Variants in MYLK observed in about 807,000 individuals in gnomAD.
MYLK encodes the protein myosin light chain kinase, smooth muscle.
In MYLK, 106 loss-of-function variants were observed where a neutral mutation model predicts 203.4. That is an observed-to-expected ratio of 0.52 (90% CI 0.45 to 0.61). MYLK has a LOEUF of 0.61. Ranked by LOEUF, MYLK falls within the 20% of genes least tolerant of loss-of-function variation. The pLI is 0.00. For synonymous variants in MYLK, 867 were observed against 959.5 expected (o/e 0.90, Z 1.78); for missense variants, 2,072 against 2,442.3 (o/e 0.85, Z 3.20).
intron 5 of MYLK, among the ~76,000 whole-genome samples, chr3:123,747,161 C>T (rs889678869): frequency 3.9e-5 from 6 of 152,182 alleles, no homozygotes; most frequent in Non-Finnish European, 7.3e-5. Context: ...GCATTTCCTA[C>T]GAATTCAAGG....
At chr3:123,820,277 C>G (rs763626869) in intron 3 of MYLK, among the ~76,000 whole-genome samples, 2 of 152,154 alleles carry the variant, frequency 1.3e-5, no homozygotes, top group Admixed American at 1.3e-4. Context: ...GATCTAAGAA[C>G]ATGGTTGTAT....
chr3:123,705,316 G>T (rs1402181125), intron 16 of MYLK, among the ~76,000 whole-genome samples: 1 of 152,194 alleles, frequency 6.6e-6, no homozygotes, highest in African/African-American at 2.4e-5. Flanking sequence ...AGTGGCCTCC[G>T]AAAGGAATGA....
intron 2 of MYLK, among the ~76,000 whole-genome samples, chr3:123,843,818 A>G (rs538689596): frequency 6.0e-4 from 92 of 152,242 alleles, no homozygotes; most frequent in African/African-American, 2.0e-3. Context: ...TCCTTCTGAC[A>G]TGGTGTTTTC....
chr3:123,721,688 T>C (rs3907063), intron 13 of MYLK, among the ~76,000 whole-genome samples: 5,194 of 150,658 alleles, frequency 0.034, 276 homozygotes, highest in African/African-American at 0.12. Flanking sequence ...CCACTGACTG[T>C]TCAGGGAATA....
chr3:123,767,242 C>G (rs1388633136), intron 4 of MYLK, among the ~76,000 whole-genome samples: 1 of 152,216 alleles, frequency 6.6e-6, no homozygotes. Flanking sequence ...GGTCTCAGTA[C>G]AGACAACTGC....
At chr3:123,720,372 C>T (rs2062044083) in intron 13 of MYLK, among the ~76,000 whole-genome samples, 1 of 152,174 alleles carries the variant, frequency 6.6e-6, no homozygotes. Flanking sequence ...CAAGCCAGGA[C>T]AGACATTGGA....
At chr3:123,853,668 C>G (rs962142089) in intron 2 of MYLK, among the ~76,000 whole-genome samples, 6 of 152,270 alleles carry the variant, frequency 3.9e-5, no homozygotes, top group East Asian at 1.9e-4. Context: ...CAAGGAGCTA[C>G]AGCTGAGGAC....
intron 19 of MYLK, among the ~76,000 whole-genome samples, chr3:123,685,993 G>C (rs542871545): frequency 6.6e-6 from 1 of 152,202 alleles, no homozygotes; most frequent in Non-Finnish European, 1.5e-5. Context: ...CATGCACCAC[G>C]GGGCCCTGCC....
chr3:123,831,993 G>A (rs746731881), intron 2 of MYLK, among the ~76,000 whole-genome samples: 1 of 152,220 alleles, frequency 6.6e-6, no homozygotes, highest in Admixed American at 6.5e-5. Context: ...GAAGGCCATG[G>A]GAGCTGCCTT....
intron 4 of MYLK, among the ~76,000 whole-genome samples, chr3:123,758,581 C>A (rs4678052): frequency 0.89 from 135,478 of 152,050 alleles, 62,340 homozygotes; most frequent in East Asian, 1. Flanking sequence ...CATAGGAATC[C>A]CTGCACCTCG....
At chr3:123,681,709 G>C (rs968396560) in intron 20 of MYLK, 1 of 175,092 alleles carries the variant, frequency 5.7e-6, no homozygotes, top group Non-Finnish European at 1.2e-5. Flanking sequence ...AGACAGGCGG[G>C]GGGCAGGCCA....
At chr3:123,771,066 C>G (rs1243250225) in intron 4 of MYLK, among the ~76,000 whole-genome samples, 1 of 152,172 alleles carries the variant, frequency 6.6e-6, no homozygotes, top group East Asian at 1.9e-4. Flanking sequence ...GTGAGAGAGA[C>G]TATGAAAGAA....
chr3:123,654,713 CTT>C (rs1201129769), intron 24 of MYLK, among the ~76,000 whole-genome samples: 264 of 125,252 alleles, frequency 2.1e-3, no homozygotes, highest in African/African-American at 7.7e-3. Context: ...TTCTTTAATT[CTT>C]TTTTTTTTTT....
intron 2 of MYLK, 29 bp downstream of exon 2, chr3:123,876,530 T>A (rs1215343673): frequency 2.0e-5 from 3 of 152,204 alleles, no homozygotes; most frequent in Non-Finnish European, 4.4e-5. Flanking sequence ...AAAGAAAATA[T>A]AAGAATCCAT....
intron 3 of MYLK, among the ~76,000 whole-genome samples, chr3:123,811,014 C>T (rs541923194): frequency 5.3e-5 from 8 of 152,322 alleles, no homozygotes; most frequent in African/African-American, 1.9e-4. Context: ...TTTCTCCCAG[C>T]CCTAAATCTC....
intron 15 of MYLK, among the ~76,000 whole-genome samples, chr3:123,708,383 T>A (rs1362679524): frequency 6.6e-6 from 1 of 152,232 alleles, no homozygotes; most frequent in Non-Finnish European, 1.5e-5. Context: ...CTGTTAAGCC[T>A]ATAACTCACC....
At chr3:123,811,879 T>TA (rs1206039528) in intron 3 of MYLK, among the ~76,000 whole-genome samples, 1 of 152,242 alleles carries the variant, frequency 6.6e-6, no homozygotes, top group African/African-American at 2.4e-5. Flanking sequence ...TACTTATTTG[T>TA]ATCATTTTTC....
chr3:123,721,442 A>G (rs1338684193), intron 13 of MYLK, among the ~76,000 whole-genome samples: 4 of 152,248 alleles, frequency 2.6e-5, no homozygotes, highest in African/African-American at 7.2e-5. Context: ...ACCACAGCCC[A>G]GACAGATCTG....
At chr3:123,761,589 G>A (rs2063535901) in intron 4 of MYLK, among the ~76,000 whole-genome samples, 2 of 152,288 alleles carry the variant, frequency 1.3e-5, no homozygotes, top group East Asian at 1.9e-4. Context: ...ATGCTTGAAT[G>A]TCTGCCCCAT....
Sources: gnomAD v4.1 joint callset for allele counts (sites outside exome capture counted in the v4.1 genomes callset) on GRCh38, gnomAD v4.1.1 for gene constraint, MANE v1.5 for transcripts, NCBI Gene and HGNC (gene_info 2026-07-23, HGNC 2026-07-21) for gene names.